The following MYO10 variants were observed in gnomAD, a reference collection of about 807,000 sequenced individuals.
MYO10 encodes myosin X, also known as unconventional myosin-X.
Under a neutral mutation model 257.3 loss-of-function variants are expected in MYO10, and 133 were observed. The ratio of observed to expected loss-of-function variants is 0.52; its 90% confidence interval spans 0.45 to 0.60. The LOEUF is 0.60. Among genes scored for constraint, MYO10 ranks in the 20% least tolerant of loss-of-function variants. The pLI is 0.00. For synonymous variants in MYO10, 1,104 were observed against 1,028.6 expected (o/e 1.07, Z -1.40); for missense variants, 2,399 against 2,635.7 (o/e 0.91, Z 1.97).
intron 2 of MYO10, among the ~76,000 whole-genome samples, chr5:16,869,660 T>C (rs1744394270): frequency 6.6e-6 from 1 of 150,402 alleles, no homozygotes; most frequent in African/African-American, 2.5e-5. Context: ...AGGTCAGGAG[T>C]TCAAGGCCAG....
At chr5:16,898,069 C>T (rs1580127902) in intron 1 of MYO10, among the ~76,000 whole-genome samples, 1 of 151,988 alleles carries the variant, frequency 6.6e-6, no homozygotes, top group African/African-American at 2.4e-5. Flanking sequence ...GTAGGAGGGT[C>T]CCAGCAGCTG....
rs1273998712 is a variant in MYO10 at position 16,701,185 on chromosome 5, C to G, written c.3210G>C (p.Glu1070Asp). 1.2e-6 allele frequency: 2 copies of G among 1,608,410 alleles called. No homozygotes were observed. The highest frequency in any genetic ancestry group is 1.7e-6 in the Non-Finnish European group (2 of 1,177,490). The stretch of plus-strand genomic sequence containing the variant: ...CGTTCTGGGGCATGCAGTAGGTGGA[C>G]TCGCCGCTGGAGGAGTTGTGTAGGC... ...SGSLHNSSSG[E>D]STYCMPQNAG... The change falls in exon 25 of 41, where the codon GAG becomes GAC. Residue 1070 changes from glutamate (E) to aspartate (D), a missense_variant. By Grantham distance (45) the Glu-to-Asp change is conservative. Around this residue, in one of 3 missense-constraint regions of MYO10, gnomAD observed 1,820 missense variants for 1,939.4 expected, o/e 0.94. Transcript: ENST00000513610. The surrounding 1 kb of genome is among the most constrained non-coding windows in gnomAD (Gnocchi z 8.1).
intron 3 of MYO10, among the ~76,000 whole-genome samples, chr5:16,816,443 C>T (rs957605323): frequency 2.0e-5 from 3 of 149,870 alleles, no homozygotes; most frequent in Admixed American, 6.6e-5. Context: ...CAGCTCCTTT[C>T]TCAGTCTAAG....
In MYO10 at chr5:16,760,140, T is replaced by G. The variant is rs1316617973; in HGVS notation, c.1739+1324A>C. 2.6e-5 allele frequency among the ~76,000 whole-genome samples: 4 copies of G among 152,116 alleles called. No homozygotes were observed. In the East Asian group the frequency reaches 7.7e-4, roughly 29 times the overall value. On this transcript the variant is annotated intron_variant, in intron 17 of 40. Transcript: ENST00000513610. ...GTTTTTTCCCTAAACTCTTTCTCTC[T>G]TACAAAGCCTCCTAAAAATAGTACA...
rs1188189047 is a variant in MYO10 at position 16,783,016 on chromosome 5, C to T, written c.602+319G>A. Among the ~76,000 whole-genome samples the T allele has an allele frequency of 2.0e-5, 3 of 152,146 alleles. No homozygotes were observed. In the East Asian group the frequency reaches 5.8e-4, roughly 29 times the overall value. On this transcript the variant is annotated intron_variant, in intron 5 of 40. Transcript: ENST00000513610. ...TCAAGTTTATTCTTCTCCATAAACT[C>T]CAATACAAGTGCCTTATCTGATGCA...
intron 33 of MYO10, among the ~76,000 whole-genome samples, chr5:16,676,846 A>G (rs549431335): frequency 6.6e-6 from 1 of 152,370 alleles, no homozygotes; most frequent in African/African-American, 2.4e-5. Context: ...TCTATAAAAA[A>G]TAAGAGAGCA....
chr5:16,671,428 A>C lies in MYO10; in HGVS notation c.5424T>G (p.Phe1808Leu). 1 of 1,613,970 alleles carries C rather than the reference A, an allele frequency of 6.2e-7. No individual in the cohort carries two copies. Among genetic ancestry groups the C allele is most frequent in the Non-Finnish European group, 8.5e-7 (1 of 1,179,858 alleles). The change falls in exon 38 of 41, where the codon TTT becomes TTG. Residue 1808 changes from phenylalanine (F) to leucine (L), a missense_variant. Phe to Leu is a conservative substitution (Grantham distance 22). Coordinates refer to ENST00000513610, the MANE Select transcript of MYO10 (RefSeq NM_012334.3). ...PKDSVEFAFM[F>L]EQAHEAVIHG... ...TTCTAACTATTCCTTTTACCTGTTC[A>C]AACATAAATGCAAACTCCACACTGT...
intron 1 of MYO10, among the ~76,000 whole-genome samples, chr5:16,880,428 TAGTATCCC>T (rs1190867190): frequency 6.6e-6 from 1 of 151,532 alleles, no homozygotes; most frequent in Non-Finnish European, 1.5e-5. Context: ...ACGACTCTCC[TAGTATCCC>T]CTATTGTGAC....
intron 26 of MYO10, among the ~76,000 whole-genome samples, chr5:16,694,885 A>G (rs1413714329): frequency 6.6e-6 from 1 of 152,236 alleles, no homozygotes; most frequent in Non-Finnish European, 1.5e-5. Flanking sequence ...AAAGGAGCCA[A>G]TAGAAAAGCA....
At chr5:16,848,344 G>A (rs1311428036) in intron 2 of MYO10, among the ~76,000 whole-genome samples, 1 of 151,808 alleles carries the variant, frequency 6.6e-6, no homozygotes, top group Non-Finnish European at 1.5e-5. Context: ...ATTTTTAGTA[G>A]AGACAGGGTT....
At chr5:16,728,901 C>T (rs997605769) in intron 19 of MYO10, among the ~76,000 whole-genome samples, 1 of 152,160 alleles carries the variant, frequency 6.6e-6, no homozygotes, top group Non-Finnish European at 1.5e-5. Context: ...GTGGCTGCAT[C>T]GTTTTTACTG....
Position 16,662,285 on chromosome 5 carries a change from T to TA in MYO10, c.*4406dup, listed in dbSNP as rs1206196762. The TA allele has an allele frequency of 2.0e-5, 3 of 146,522 alleles. No individual in the cohort carries two copies. Among genetic ancestry groups the TA allele is most frequent in the East Asian group, 4.2e-4 (2 of 4,780 alleles). 9.1% of individuals were successfully genotyped at this position (146,522 alleles called of 1,614,324 possible). A position where few individuals can be genotyped will look rare whatever the true frequency, so the allele number is the denominator to read the frequency against. On this transcript the variant is annotated 3_prime_UTR_variant, in exon 41 of 41. Coordinates refer to ENST00000513610, the MANE Select transcript of MYO10 (RefSeq NM_012334.3). ...CTATCTGAATAAAAGGCTTAGTAACTAAAAAAAGTGCTGTCTTAGATTTCT... is the reference window on the plus strand; with the variant it reads ...CTATCTGAATAAAAGGCTTAGTAACTAAAAAAAAGTGCTGTCTTAGATTTCT...
At chr5:16,836,414 C>T (rs146953727) in intron 2 of MYO10, among the ~76,000 whole-genome samples, 29 of 152,312 alleles carry the variant, frequency 1.9e-4, no homozygotes, top group African/African-American at 6.3e-4. Context: ...TGGTTTGCAT[C>T]TTCATCCATC....
At chr5:16,844,977 C>T (rs1314557915) in intron 2 of MYO10, among the ~76,000 whole-genome samples, 1 of 149,978 alleles carries the variant, frequency 6.7e-6, no homozygotes, top group East Asian at 2.0e-4. Flanking sequence ...CACACACACA[C>T]AGTGTATTTC....
chr5:16,741,867 G>A (rs761634238), intron 19 of MYO10: 50 of 985,370 alleles, frequency 5.1e-5, no homozygotes, highest in East Asian at 3.4e-4. Flanking sequence ...TTAGCAGTCC[G>A]GGCAAGGGCA....
intron 39 of MYO10, among the ~76,000 whole-genome samples, 183 bp from the exon 40 acceptor site, chr5:16,668,651 C>G (rs1442639288): frequency 6.6e-6 from 1 of 152,196 alleles, no homozygotes; most frequent in African/African-American, 2.4e-5. Flanking sequence ...ATCTTGATTT[C>G]TAACTAGTTA....
At chr5:16,818,381 CGTGTGTGTGTGT>C (rs66684462) in intron 2 of MYO10, among the ~76,000 whole-genome samples, 1,742 of 134,056 alleles carry the variant, frequency 0.013, 20 homozygotes, top group Middle Eastern at 0.023. Context: ...TGTGTGTGTG[CGTGTGTGTGTGT>C]GTGTGTGTGT....
intron 1 of MYO10, among the ~76,000 whole-genome samples, chr5:16,897,455 C>T (rs1203603686): frequency 6.6e-6 from 1 of 152,150 alleles, no homozygotes; most frequent in African/African-American, 2.4e-5. Context: ...ACAAGCATCC[C>T]TAGATGAACC....
At chr5:16,751,857 G>A (rs1038045661) in intron 19 of MYO10, among the ~76,000 whole-genome samples, 1 of 152,126 alleles carries the variant, frequency 6.6e-6, no homozygotes, top group African/African-American at 2.4e-5. Context: ...TTATTAATTA[G>A]TGTCTGCCAT....
Sources: allele counts gnomAD v4.1 joint callset (sites outside exome capture counted in the v4.1 genomes callset), GRCh38; gene constraint gnomAD v4.1.1; regional missense constraint gnomAD v4.1.1; non-coding constraint Gnocchi (gnomAD v3.1); transcripts MANE v1.5; gene names NCBI Gene and HGNC (gene_info 2026-07-23, HGNC 2026-07-21).